ZBTB7C: variants seen among roughly 807,000 people sequenced by gnomAD.
The protein encoded by ZBTB7C is zinc finger and BTB domain containing 7C.
In ZBTB7C, 8 loss-of-function variants were observed where a neutral mutation model predicts 25.7. The ratio of observed to expected loss-of-function variants is 0.31; its 90% CI spans 0.18 to 0.56. The LOEUF (loss-of-function observed/expected upper bound fraction) is 0.56. Among genes scored for constraint, ZBTB7C ranks in the 20% least tolerant of loss-of-function variants. The probability of loss-of-function intolerance (pLI) is 0.91; values close to 1 mark genes in which losing one functional copy is unlikely to be tolerated. For synonymous variants in ZBTB7C, 394 were observed against 369.0 expected, an observed-to-expected ratio of 1.07 and a Z score of -0.78; for missense variants, 824 against 855.2, an observed-to-expected ratio of 0.96 and a Z score of 0.46.
intron 3 of ZBTB7C, among the ~76,000 whole-genome samples, chr18:48,144,204 G>A (rs9973065): frequency 0.17 from 25,111 of 151,948 alleles, 2,176 homozygotes; most frequent in South Asian, 0.24. Context: ...ACTTGAAGCC[G>A]GGAGGCGGAG....
At chr18:48,045,288 G>A (rs745515507) in intron 3 of ZBTB7C, among the ~76,000 whole-genome samples, 6 of 152,218 alleles carry the variant, frequency 3.9e-5, no homozygotes, top group Non-Finnish European at 8.8e-5. Context: ...GTTGGAGAGG[G>A]GTCCTCTCCC....
intron 2 of ZBTB7C, among the ~76,000 whole-genome samples, chr18:48,304,863 AGAT>A (rs1460350376): frequency 6.6e-6 from 1 of 150,464 alleles, no homozygotes; most frequent in African/African-American, 2.4e-5. Context: ...AAAAAAAAAA[AGAT>A]AGCCTTGTTA....
At chr18:48,075,257 C>T (rs2037717430) in intron 3 of ZBTB7C, among the ~76,000 whole-genome samples, 1 of 152,208 alleles carries the variant, frequency 6.6e-6, no homozygotes, top group Non-Finnish European at 1.5e-5. Flanking sequence ...TCCACTTGGT[C>T]ATTTCTCCCC....
chr18:48,076,022 C>T (rs886868679), intron 3 of ZBTB7C, among the ~76,000 whole-genome samples: 3 of 152,238 alleles, frequency 2.0e-5, no homozygotes, highest in East Asian at 1.9e-4. Context: ...ACTTGTTCCT[C>T]CCCAGCGCCT....
At chr18:48,161,128 TG>T (rs553027494) in intron 3 of ZBTB7C, among the ~76,000 whole-genome samples, 4 of 83,502 alleles carry the variant, frequency 4.8e-5, no homozygotes, top group South Asian at 4.7e-4. Flanking sequence ...CTGGAGGAGG[TG>T]GGGGGGACCC....
intron 3 of ZBTB7C, among the ~76,000 whole-genome samples, chr18:48,095,485 G>C (rs1388111977): frequency 6.6e-6 from 1 of 152,144 alleles, no homozygotes; most frequent in African/African-American, 2.4e-5. Context: ...GCCGAGGCAG[G>C]TTGATCACCT....
At chr18:48,266,493 G>A (rs934393029) in intron 2 of ZBTB7C, among the ~76,000 whole-genome samples, 1 of 151,832 alleles carries the variant, frequency 6.6e-6, no homozygotes, top group African/African-American at 2.4e-5. Context: ...ATCTCACCCA[G>A]CCAAGACTTG....
At chr18:48,128,083 C>T (rs1328835825) in intron 3 of ZBTB7C, among the ~76,000 whole-genome samples, 1 of 152,212 alleles carries the variant, frequency 6.6e-6, no homozygotes, top group Non-Finnish European at 1.5e-5. Flanking sequence ...AAGAGCTCCA[C>T]AGGCCTACAG....
chr18:48,131,136 T>C (rs1267834752), intron 3 of ZBTB7C, among the ~76,000 whole-genome samples: 1 of 152,244 alleles, frequency 6.6e-6, no homozygotes, highest in Non-Finnish European at 1.5e-5. Flanking sequence ...ACTCCTGACC[T>C]TAAGTGATCC....
chr18:48,189,894 G>C (rs568127876), intron 2 of ZBTB7C, among the ~76,000 whole-genome samples: 267 of 152,342 alleles, frequency 1.8e-3, no homozygotes, highest in African/African-American at 6.3e-3. Context: ...TGACCAGCCA[G>C]TGCTGTCTGT....
intron 2 of ZBTB7C, among the ~76,000 whole-genome samples, chr18:48,270,822 G>T (rs1032054072): frequency 1.3e-4 from 19 of 151,760 alleles, no homozygotes; most frequent in Admixed American, 3.3e-4. Flanking sequence ...TTACTGGCAC[G>T]CCCGGCCCTA....
In ZBTB7C at chr18:48,026,737, G is replaced by T. The variant is rs1290633472; in HGVS notation, c.*2523C>A. The T allele has an allele frequency of 6.9e-6, 1 of 145,956 alleles. No homozygotes were observed. Among genetic ancestry groups the T allele is most frequent in the Non-Finnish European group, 1.5e-5 (1 of 66,200 alleles). The allele number at this position is 145,956 out of a possible 1,614,324, so 9.0% of individuals were successfully genotyped here. On this transcript the variant is annotated 3_prime_UTR_variant, in exon 5 of 5. Coordinates refer to ENST00000590800, the MANE Select transcript of ZBTB7C (RefSeq NM_001318841.2). ...TTAAAGTATAAAATAAGGGTCAAAG[G>T]TTTTTTTTTTTTTCTTTGTTAAGGT...
intron 2 of ZBTB7C, among the ~76,000 whole-genome samples, chr18:48,243,268 CA>C (rs2043580722): frequency 6.2e-4 from 30 of 48,448 alleles, no homozygotes; most frequent in Non-Finnish European, 1.1e-3. Context: ...TCTACCCCCC[CA>C]CAAAAAAAAA....
intron 3 of ZBTB7C, among the ~76,000 whole-genome samples, chr18:48,135,400 A>G (rs1056154781): frequency 2.0e-5 from 3 of 152,214 alleles, no homozygotes; most frequent in Non-Finnish European, 4.4e-5. Flanking sequence ...GACGTGGGGT[A>G]CAATGAGTGG....
At chr18:48,217,057 G>A (rs375823374) in intron 2 of ZBTB7C, among the ~76,000 whole-genome samples, 1 of 152,122 alleles carries the variant, frequency 6.6e-6, no homozygotes, top group Non-Finnish European at 1.5e-5. Context: ...GCCACAGGCT[G>A]CCAGCAGCCC....
intron 3 of ZBTB7C, among the ~76,000 whole-genome samples, chr18:48,069,528 G>C (rs2037463710): frequency 6.6e-6 from 1 of 152,166 alleles, no homozygotes; most frequent in Non-Finnish European, 1.5e-5. Flanking sequence ...GTGAGAGCTT[G>C]AGAGCTCACA....
At chr18:48,230,552 G>T (rs2043223622) in intron 2 of ZBTB7C, among the ~76,000 whole-genome samples, 1 of 152,220 alleles carries the variant, frequency 6.6e-6, no homozygotes, top group South Asian at 2.1e-4. Flanking sequence ...CAGATTTTTG[G>T]CCATAATTGG....
intron 1 of ZBTB7C, among the ~76,000 whole-genome samples, chr18:48,392,837 C>T (rs570572105): frequency 6.6e-6 from 1 of 152,260 alleles, no homozygotes; most frequent in East Asian, 1.9e-4. Context: ...CTCCAATGCC[C>T]ACGCTAGGGT....
chr18:48,312,482 C>A (rs1382018594), intron 2 of ZBTB7C, among the ~76,000 whole-genome samples: 1 of 152,208 alleles, frequency 6.6e-6, no homozygotes, highest in African/African-American at 2.4e-5. Flanking sequence ...CTCTTAATTT[C>A]TAAGAGGCAG....
Sources: allele counts gnomAD v4.1 joint callset (sites outside exome capture counted in the v4.1 genomes callset), GRCh38; gene constraint gnomAD v4.1.1; transcripts MANE v1.5; gene names NCBI Gene and HGNC (gene_info 2026-07-23, HGNC 2026-07-21).